The following ATP8B1 variants were observed in gnomAD, a reference collection of about 807,000 sequenced individuals.
ATP8B1 encodes ATPase phospholipid transporting 8B1, also known as phospholipid-transporting ATPase IC.
In ATP8B1, 80 loss-of-function variants were observed where a neutral mutation model predicts 149.9. The ratio of observed to expected loss-of-function variants is 0.53; its 90% CI spans 0.45 to 0.64. ATP8B1 has a LOEUF of 0.64. Ranked by LOEUF, ATP8B1 falls within the 30% of genes least tolerant of loss-of-function variation. ATP8B1 has a pLI of 0.00. For synonymous variants in ATP8B1, 536 were observed against 562.8 expected, an observed-to-expected ratio of 0.95 and a Z score of 0.67; for missense variants, 1,247 against 1,552.6, an observed-to-expected ratio of 0.80 and a Z score of 3.31.
At chr18:57,683,971 A>C in intron 15 of ATP8B1, 65 bp downstream of exon 15, 1 of 1,587,476 alleles carries the variant, frequency 6.3e-7, no homozygotes, top group South Asian at 1.1e-5. Flanking sequence ...TTGAGCCATA[A>C]GCAGGAGTTA....
chr18:57,690,814 C>T (rs1250018169), intron 12 of ATP8B1, among the ~76,000 whole-genome samples: 1 of 152,142 alleles, frequency 6.6e-6, no homozygotes, highest in Non-Finnish European at 1.5e-5. Flanking sequence ...TGGGTTTATT[C>T]CAAAGCACTA....
At chr18:57,687,913 G>A (rs1188293214) in intron 13 of ATP8B1, among the ~76,000 whole-genome samples, 1 of 151,688 alleles carries the variant, frequency 6.6e-6, no homozygotes, top group African/African-American at 2.4e-5. Context: ...CCGAGTAGCT[G>A]GGATTATAGC....
intron 1 of ATP8B1, among the ~76,000 whole-genome samples, chr18:57,796,422 T>C (rs1477004653): frequency 1.3e-5 from 2 of 152,092 alleles, no homozygotes; most frequent in African/African-American, 4.8e-5. Context: ...AAGGCGAGAA[T>C]CACTTGAGCT....
intron 2 of ATP8B1, among the ~76,000 whole-genome samples, chr18:57,710,411 G>A (rs1394541464): frequency 6.6e-6 from 1 of 151,958 alleles, no homozygotes; most frequent in African/African-American, 2.4e-5. Context: ...TGATCACCAC[G>A]TCCTTTGATC....
intron 2 of ATP8B1, among the ~76,000 whole-genome samples, chr18:57,710,630 C>G (rs1421113545): frequency 6.6e-6 from 1 of 152,124 alleles, no homozygotes; most frequent in Non-Finnish European, 1.5e-5. Context: ...GGCTAAAGGA[C>G]ATGAAAAGAC....
intron 1 of ATP8B1, among the ~76,000 whole-genome samples, chr18:57,753,195 G>A (rs1198784593): frequency 6.6e-6 from 1 of 152,182 alleles, no homozygotes; most frequent in African/African-American, 2.4e-5. Flanking sequence ...ACAGATTTTT[G>A]CTTTCCTCAA....
intron 2 of ATP8B1, among the ~76,000 whole-genome samples, chr18:57,725,903 C>T (rs564887849): frequency 6.6e-6 from 1 of 152,310 alleles, no homozygotes; most frequent in Admixed American, 6.5e-5. Context: ...AGACTTAAAT[C>T]TAAGACCTCA....
At chr18:57,661,872 G>A (rs1248820996) in intron 21 of ATP8B1, among the ~76,000 whole-genome samples, 4 of 151,488 alleles carry the variant, frequency 2.6e-5, no homozygotes, top group Non-Finnish European at 5.9e-5. Context: ...GCACCACCAC[G>A]CCTGGCTAAT....
At chr18:57,796,121 T>C (rs1033246211) in intron 1 of ATP8B1, among the ~76,000 whole-genome samples, 1 of 152,098 alleles carries the variant, frequency 6.6e-6, no homozygotes, top group African/African-American at 2.4e-5. Context: ...AGAGCTGAGA[T>C]CGCACCACTG....
chr18:57,713,211 C>CTCT (rs1304585712), intron 2 of ATP8B1, among the ~76,000 whole-genome samples: 9 of 125,860 alleles, frequency 7.2e-5, no homozygotes, highest in African/African-American at 2.9e-4. Flanking sequence ...TTCCTTCCTT[C>CTCT]CTTCCTTCCT....
chr18:57,765,320 G>T (rs1013751821), intron 1 of ATP8B1, among the ~76,000 whole-genome samples: 3 of 152,208 alleles, frequency 2.0e-5, no homozygotes, highest in African/African-American at 7.2e-5. Context: ...GGAGGTGGAT[G>T]GCGGTGATGG....
At chr18:57,787,275 CA>C (rs1243326236) in intron 1 of ATP8B1, among the ~76,000 whole-genome samples, 1 of 152,154 alleles carries the variant, frequency 6.6e-6, no homozygotes, top group Non-Finnish European at 1.5e-5. Flanking sequence ...CAATTAAAGC[CA>C]CTTTATGCTT....
chr18:57,656,386 T>C (rs902470991), intron 22 of ATP8B1, among the ~76,000 whole-genome samples: 1 of 135,014 alleles, frequency 7.4e-6, no homozygotes, highest in Non-Finnish European at 1.6e-5. Context: ...TCTTTCTCTC[T>C]CTTTTTTTTT....
intron 1 of ATP8B1, among the ~76,000 whole-genome samples, chr18:57,760,554 GT>G (rs2080139335): frequency 6.6e-6 from 1 of 152,176 alleles, no homozygotes; most frequent in Non-Finnish European, 1.5e-5. Context: ...CAGCCCAAAA[GT>G]AATGCACATT....
Position 57,773,454 on chromosome 18 carries a change from A to T in ATP8B1, c.-26+29544T>A, listed in dbSNP as rs192643022. Reference sequence around the variant, plus strand: ...AGGGGGTCTGGGAGGAAAAACATTGAAAAAGGTGCCCAGTTTCTAGCCTTA... The same window carrying T: ...AGGGGGTCTGGGAGGAAAAACATTGTAAAAGGTGCCCAGTTTCTAGCCTTA... On this transcript the variant is annotated intron_variant, in intron 1 of 27. Transcript: ENST00000648908. 9.3e-4 allele frequency among the ~76,000 whole-genome samples: 142 copies of T among 152,260 alleles called. No individual in the cohort carries two copies. The Middle Eastern group carries it at 0.01, about 11-fold the overall frequency.
chr18:57,703,442 C>T (rs491051), intron 4 of ATP8B1, among the ~76,000 whole-genome samples: 69,217 of 151,694 alleles, frequency 0.46, 16,216 homozygotes, highest in East Asian at 0.68. Flanking sequence ...TGGTGGCTGG[C>T]AACTGTGATC....
chr18:57,723,867 A>AACCAAAACAGCATGGTACTGGT (rs2079676542), intron 2 of ATP8B1, among the ~76,000 whole-genome samples: 1 of 149,706 alleles, frequency 6.7e-6, no homozygotes, highest in Non-Finnish European at 1.5e-5. Context: ...AGGCTACAGT[A>AACCAAAACAGCATGGTACTGGT]ACCAAAACAG....
chr18:57,679,757 C>A (rs547890937), intron 15 of ATP8B1, among the ~76,000 whole-genome samples: 1 of 152,088 alleles, frequency 6.6e-6, no homozygotes, highest in African/African-American at 2.4e-5. Context: ...CTCCGCCTCG[C>A]GGGTTCAAGC....
At chr18:57,702,367 G>A (rs1913168981) in intron 4 of ATP8B1, among the ~76,000 whole-genome samples, 2 of 152,126 alleles carry the variant, frequency 1.3e-5, no homozygotes, top group Admixed American at 1.3e-4. Flanking sequence ...TCCAAGTCTT[G>A]GTCAGCTCTA....
Sources: allele counts gnomAD v4.1 joint callset (sites outside exome capture counted in the v4.1 genomes callset), GRCh38; gene constraint gnomAD v4.1.1; transcripts MANE v1.5; gene names NCBI Gene and HGNC (gene_info 2026-07-23, HGNC 2026-07-21).